Variants in NCOA2 observed in about 807,000 individuals in gnomAD.
NCOA2 encodes the protein nuclear receptor coactivator 2.
In NCOA2, 21 loss-of-function variants were observed where a neutral mutation model predicts 145.1. That is an observed-to-expected ratio of 0.14 (90% CI 0.10 to 0.21). The LOEUF (loss-of-function observed/expected upper bound fraction) is 0.21. Among genes scored for constraint, NCOA2 ranks in the 10% least tolerant of loss-of-function variants. NCOA2 has a pLI of 1.00. For synonymous variants in NCOA2, 619 were observed against 637.5 expected (o/e 0.97, Z 0.44); for missense variants, 1,472 against 1,837.6 (o/e 0.80, Z 3.64).
intron 21 of NCOA2, among the ~76,000 whole-genome samples, chr8:70,122,156 T>C (rs929480983): frequency 6.6e-6 from 1 of 152,202 alleles, no homozygotes; most frequent in Non-Finnish European, 1.5e-5. Context: ...GCAAGCAAAT[T>C]AGGAGTCATT....
intron 1 of NCOA2, among the ~76,000 whole-genome samples, chr8:70,399,585 T>C (rs1482825770): frequency 1.3e-5 from 2 of 152,250 alleles, no homozygotes; most frequent in Admixed American, 6.5e-5. Flanking sequence ...TGTAATAACA[T>C]ACATTACTAA....
At chr8:70,440,803 A>G in the NCOA2 span, among the ~76,000 whole-genome samples, 1 of 149,232 alleles carries the variant, frequency 6.7e-6, no homozygotes, top group African/African-American at 2.4e-5. Context: ...AAAAGAAATA[A>G]AGACAAGAAA....
intron 2 of NCOA2, among the ~76,000 whole-genome samples, chr8:70,239,287 A>G (rs150560359): frequency 3.9e-5 from 6 of 152,288 alleles, no homozygotes; most frequent in Middle Eastern, 3.4e-3. Context: ...ATATTTGAAC[A>G]ATGGTTCATT....
At chr8:70,338,602 T>A (rs1048301130) in intron 1 of NCOA2, among the ~76,000 whole-genome samples, 1 of 152,104 alleles carries the variant, frequency 6.6e-6, no homozygotes, top group African/African-American at 2.4e-5. Flanking sequence ...GCCAGCATCA[T>A]CCTGATACCA....
At chr8:70,233,174 T>C (rs1490624102) in intron 2 of NCOA2, among the ~76,000 whole-genome samples, 3 of 151,656 alleles carry the variant, frequency 2.0e-5, no homozygotes, top group African/African-American at 7.3e-5. Context: ...TGCAGTGAGC[T>C]GAGATCGCAC....
At chr8:70,409,634 C>T in the NCOA2 span, among the ~76,000 whole-genome samples, 1 of 152,174 alleles carries the variant, frequency 6.6e-6, no homozygotes, top group East Asian at 1.9e-4. Context: ...CTTTGGGAGG[C>T]CAAGGCAGGA....
rs765455854 is a variant in NCOA2 at position 70,157,030 on chromosome 8, C to T, written c.1335G>A (p.Gly445=). Residue 445 remains glycine (G), a synonymous_variant, in exon 11 of 23, where the codon GGG becomes GGA. Transcript: ENST00000452400. ...GMPMGRFGGS[G]GMNHVSGMQA... is the part of the protein sequence containing the mutation. ...GCATGCCTGACACATGGTTCATTCCCCCAGAACCACCAAACCTGCCCATGG... is the reference window on the plus strand; with the variant it reads ...GCATGCCTGACACATGGTTCATTCCTCCAGAACCACCAAACCTGCCCATGG... 1.2e-6 allele frequency: 2 copies of T among 1,614,006 alleles called. No individual in the cohort carries two copies. Among genetic ancestry groups the T allele is most frequent in the Non-Finnish European group, 8.5e-7 (1 of 1,179,892 alleles).
rs575627587 is a variant in NCOA2, at chr8:70,294,930, T to C, written c.-20+1814A>G. On this transcript the variant is annotated intron_variant, in intron 2 of 22. Coordinates refer to ENST00000452400, the MANE Select transcript of NCOA2 (RefSeq NM_006540.4). Reference sequence around the variant, plus strand: ...ATCTCTGCAAATTGCACTTGTAAAATAGATGTGAATCAGAAACAGCTGTAT... The same window carrying C: ...ATCTCTGCAAATTGCACTTGTAAAACAGATGTGAATCAGAAACAGCTGTAT... 3.3e-5 allele frequency among the ~76,000 whole-genome samples: 5 copies of C among 152,322 alleles called. No individual in the cohort carries two copies. In the East Asian group the frequency reaches 7.7e-4, roughly 24 times the overall value.
At chr8:70,349,065 G>T (rs1311295026) in intron 1 of NCOA2, among the ~76,000 whole-genome samples, 2 of 151,980 alleles carry the variant, frequency 1.3e-5, no homozygotes, top group Non-Finnish European at 2.9e-5. Flanking sequence ...GAGAAGACTG[G>T]CCAGAAACAG....
At chr8:70,162,911 AT>A (rs10641831) in intron 8 of NCOA2, 57 bp from the exon 9 acceptor site, 20,247 of 914,120 alleles carry the variant, frequency 0.022, no homozygotes, top group East Asian at 0.086. Context: ...TATGGAAATA[AT>A]TTTTTTTTTT....
At chr8:70,148,107 G>C (rs772687789) in intron 12 of NCOA2, among the ~76,000 whole-genome samples, 166 bp downstream of exon 12, 12 of 152,172 alleles carry the variant, frequency 7.9e-5, no homozygotes, top group Non-Finnish European at 1.5e-4. Context: ...TGCTCAGGAG[G>C]ATCCATTTTG....
the NCOA2 span, among the ~76,000 whole-genome samples, chr8:70,448,610 A>C: frequency 3.3e-5 from 5 of 152,316 alleles, no homozygotes; most frequent in South Asian, 2.1e-4. Flanking sequence ...AAGGAAAAAA[A>C]CAACATTTTT....
At chr8:70,122,169 T>C (rs887869517) in intron 21 of NCOA2, among the ~76,000 whole-genome samples, 2 of 152,234 alleles carry the variant, frequency 1.3e-5, no homozygotes, top group Non-Finnish European at 2.9e-5. Flanking sequence ...GAGTCATTAG[T>C]GGCCCATTTT....
At chr8:70,420,576 G>A in the NCOA2 span, among the ~76,000 whole-genome samples, 5 of 152,194 alleles carry the variant, frequency 3.3e-5, no homozygotes, top group Non-Finnish European at 7.3e-5. Context: ...GAGGTGGGGA[G>A]TTTAAAGAGT....
At chr8:70,292,354 T>C (rs1826759329) in intron 2 of NCOA2, among the ~76,000 whole-genome samples, 1 of 151,964 alleles carries the variant, frequency 6.6e-6, no homozygotes, top group Non-Finnish European at 1.5e-5. Context: ...GGTTTCACCA[T>C]GTTGGCCAGG....
At chr8:70,232,203 G>A (rs371629759) in intron 2 of NCOA2, among the ~76,000 whole-genome samples, 3 of 151,998 alleles carry the variant, frequency 2.0e-5, no homozygotes, top group Admixed American at 1.3e-4. Flanking sequence ...GCCCCTTTCC[G>A]TCATTCTCAA....
intron 2 of NCOA2, among the ~76,000 whole-genome samples, chr8:70,290,518 C>A (rs534972302): frequency 1.0e-3 from 154 of 152,094 alleles, no homozygotes; most frequent in Non-Finnish European, 1.6e-3. Context: ...ATCCATGAAT[C>A]ATTCATGAAA....
intron 1 of NCOA2, among the ~76,000 whole-genome samples, chr8:70,379,995 C>CA (rs1446198286): frequency 6.6e-6 from 1 of 151,120 alleles, no homozygotes; most frequent in East Asian, 1.9e-4. Flanking sequence ...TAATGAGGCT[C>CA]AAAAAAAAGG....
intron 2 of NCOA2, among the ~76,000 whole-genome samples, chr8:70,254,251 G>A (rs1823441637): frequency 6.6e-6 from 1 of 152,136 alleles, no homozygotes; most frequent in Non-Finnish European, 1.5e-5. Context: ...AATAAGTGTT[G>A]GTGAGGATGC....
Sources: allele counts gnomAD v4.1 joint callset (sites outside exome capture counted in the v4.1 genomes callset), GRCh38; gene constraint gnomAD v4.1.1; transcripts MANE v1.5; gene names NCBI Gene and HGNC (gene_info 2026-07-23, HGNC 2026-07-21).